Variants in APBB2 observed in about 807,000 individuals in gnomAD.
APBB2 encodes Fe65-like 1.
In APBB2, 38 loss-of-function variants were observed where a neutral mutation model predicts 82.5. The observed-to-expected ratio is 0.46, with a 90% CI of 0.36 to 0.60. The LOEUF (loss-of-function observed/expected upper bound fraction) is 0.60, where lower values mean the gene tolerates loss of function less well. Among genes scored for constraint, APBB2 ranks in the 20% least tolerant of loss-of-function variants. APBB2 has a pLI of 0.00. For missense variants in APBB2, 772 were observed against 972.3 expected, an observed-to-expected ratio of 0.79 and a Z score of 2.74; for synonymous variants, 341 against 368.2, an observed-to-expected ratio of 0.93 and a Z score of 0.85.
chr4:41,186,327 T>C (rs752696239), intron 1 of APBB2, among the ~76,000 whole-genome samples: 2 of 152,200 alleles, frequency 1.3e-5, no homozygotes, highest in Non-Finnish European at 2.9e-5. Context: ...AGGTCTTACA[T>C]AGTGCCTGAA....
intron 6 of APBB2, among the ~76,000 whole-genome samples, chr4:40,987,557 A>G (rs1209356326): frequency 6.6e-6 from 1 of 152,138 alleles, no homozygotes; most frequent in Non-Finnish European, 1.5e-5. Context: ...AACTCTTTGA[A>G]ATGTATTTAA....
At chr4:40,968,489 C>A (rs555267248) in intron 6 of APBB2, among the ~76,000 whole-genome samples, 6 of 152,138 alleles carry the variant, frequency 3.9e-5, no homozygotes, top group Non-Finnish European at 8.8e-5. Context: ...TCCATTTCAA[C>A]CAATTCTTGT....
At chr4:40,965,081 C>T (rs1229088048) in intron 6 of APBB2, among the ~76,000 whole-genome samples, 1 of 151,080 alleles carries the variant, frequency 6.6e-6, no homozygotes, top group African/African-American at 2.4e-5. Context: ...TATCACTCCA[C>T]TGCACTCCAG....
At chr4:40,934,948 C>T in intron 8 of APBB2, 129 bp downstream of exon 8, 1 of 805,832 alleles carries the variant, frequency 1.2e-6, no homozygotes, top group Non-Finnish European at 1.9e-6. Context: ...AGCTGAATGC[C>T]CCTAGCAAGA....
chr4:41,066,828 C>T (rs1732040241), intron 3 of APBB2, among the ~76,000 whole-genome samples: 1 of 152,106 alleles, frequency 6.6e-6, no homozygotes, highest in Non-Finnish European at 1.5e-5. Context: ...TGTAAACAGC[C>T]ACTGATGGGT....
chr4:41,014,403 G>GA lies in APBB2; in HGVS notation c.20-6_20-5insT. On this transcript the variant is annotated splice_region_variant and splice_polypyrimidine_tract_variant and intron_variant, in intron 5 of 17. Transcript: ENST00000508593. ...AGGTGTCAACACCTGAGTCAGCTGG[G>GA]GAAAAAAAAAGTCATTAGACACCTG... 4 of 1,606,532 alleles carry GA rather than the reference G, an allele frequency of 2.5e-6. No homozygotes were observed. The African/African-American group carries it at 4.0e-5, about 16-fold the overall frequency.
chr4:41,038,332 A>C (rs1222859522), intron 4 of APBB2, among the ~76,000 whole-genome samples: 4 of 152,242 alleles, frequency 2.6e-5, no homozygotes, highest in Non-Finnish European at 2.9e-5. Context: ...TTTAAATAAA[A>C]ATCAGACAAA....
intron 1 of APBB2, among the ~76,000 whole-genome samples, chr4:41,170,374 T>A (rs1010543308): frequency 3.9e-5 from 6 of 152,206 alleles, no homozygotes; most frequent in African/African-American, 1.4e-4. Flanking sequence ...AGGGTCAACA[T>A]TGGCTCAAGT....
At chr4:41,056,786 G>A (rs995200463) in intron 4 of APBB2, among the ~76,000 whole-genome samples, 7 of 152,238 alleles carry the variant, frequency 4.6e-5, no homozygotes, top group African/African-American at 7.2e-5. Context: ...TGGATCCTGC[G>A]GTGTGAGGAT....
chr4:40,879,509 A>T (rs1767822777), intron 12 of APBB2, among the ~76,000 whole-genome samples: 1 of 152,166 alleles, frequency 6.6e-6, no homozygotes, highest in Non-Finnish European at 1.5e-5. Context: ...TTAGCCTTTG[A>T]AGGGCAGCAT....
At chr4:41,007,147 G>A (rs1161226325) in intron 6 of APBB2, among the ~76,000 whole-genome samples, 1 of 152,046 alleles carries the variant, frequency 6.6e-6, no homozygotes, top group Non-Finnish European at 1.5e-5. Context: ...TTGGAAGTGG[G>A]GCCTTTGGGA....
intron 5 of APBB2, among the ~76,000 whole-genome samples, chr4:41,017,086 G>C (rs972666908): frequency 3.3e-5 from 5 of 151,918 alleles, no homozygotes; most frequent in African/African-American, 4.8e-5. Flanking sequence ...TGTAGAGGCA[G>C]GGGTCTCACT....
At chr4:40,968,317 T>C (rs1419319970) in intron 6 of APBB2, among the ~76,000 whole-genome samples, 1 of 152,124 alleles carries the variant, frequency 6.6e-6, no homozygotes. Flanking sequence ...TCCAGAAAAG[T>C]ACAGTGCTCG....
intron 12 of APBB2, among the ~76,000 whole-genome samples, chr4:40,881,716 T>A (rs1351449174): frequency 6.6e-6 from 1 of 151,688 alleles, no homozygotes; most frequent in African/African-American, 2.4e-5. Context: ...GTATTTTTAG[T>A]AGAGATGGGG....
At chr4:40,899,892 A>T (rs1255722451) in intron 10 of APBB2, among the ~76,000 whole-genome samples, 2 of 152,126 alleles carry the variant, frequency 1.3e-5, no homozygotes, top group East Asian at 3.9e-4. Context: ...GAGCCGTGGG[A>T]TACAGGCCTT....
intron 10 of APBB2, among the ~76,000 whole-genome samples, chr4:40,929,951 G>A (rs1305366147): frequency 1.3e-5 from 2 of 152,132 alleles, no homozygotes; most frequent in South Asian, 2.1e-4. Context: ...ACAGATTACG[G>A]TGCTATTAAT....
chr4:40,820,867 T>C (rs1444063849), intron 17 of APBB2, among the ~76,000 whole-genome samples: 2 of 151,948 alleles, frequency 1.3e-5, no homozygotes, highest in Admixed American at 6.5e-5. Flanking sequence ...CACACTCATA[T>C]AGCTCCCTCA....
chr4:41,100,261 T>A (rs566866009), intron 3 of APBB2, among the ~76,000 whole-genome samples: 37 of 152,300 alleles, frequency 2.4e-4, no homozygotes, highest in South Asian at 2.1e-3. Flanking sequence ...CCAAAAAGCC[T>A]ATCCAAAATA....
At chr4:40,909,490 C>A (rs773409150) in intron 10 of APBB2, among the ~76,000 whole-genome samples, 2 of 152,152 alleles carry the variant, frequency 1.3e-5, no homozygotes, top group Non-Finnish European at 2.9e-5. Context: ...GCCAGAGACA[C>A]GCCTCCGGGT....
Sources: gnomAD v4.1 joint callset for allele counts (sites outside exome capture counted in the v4.1 genomes callset) on GRCh38, gnomAD v4.1.1 for gene constraint, MANE v1.5 for transcripts, NCBI Gene and HGNC (gene_info 2026-07-23, HGNC 2026-07-21) for gene names.